Variants in UBE2R2 observed in about 807,000 individuals in gnomAD.
UBE2R2 encodes ubiquitin-conjugating enzyme E2 R2.
A neutral mutation model predicts 27.8 loss-of-function variants in UBE2R2; 1 was observed. The observed-to-expected ratio is 0.04, with a 90% CI of 0.01 to 0.17. UBE2R2 has a LOEUF of 0.17. Among genes scored for constraint, UBE2R2 ranks in the 10% least tolerant of loss-of-function variants. The pLI is 1.00. For synonymous variants in UBE2R2, 106 were observed against 113.3 expected, an observed-to-expected ratio of 0.94 and a Z score of 0.41; for missense variants, 100 against 291.0, an observed-to-expected ratio of 0.34 and a Z score of 4.78.
intron 3 of UBE2R2, among the ~76,000 whole-genome samples, chr9:33,909,172 A>G (rs1181835645): frequency 6.6e-6 from 1 of 152,160 alleles, no homozygotes; most frequent in East Asian, 1.9e-4. Flanking sequence ...ATTAGTACAC[A>G]GTACTGATCT....
At chr9:33,876,207 C>G (rs1821599272) in intron 1 of UBE2R2, among the ~76,000 whole-genome samples, 2 of 152,088 alleles carry the variant, frequency 1.3e-5, no homozygotes, top group African/African-American at 2.4e-5. Flanking sequence ...ACTAAAAATA[C>G]AAAAATTAGC....
intron 1 of UBE2R2, among the ~76,000 whole-genome samples, chr9:33,851,446 C>T (rs775856262): frequency 4.1e-4 from 63 of 152,150 alleles, no homozygotes; most frequent in Non-Finnish European, 7.1e-4. Context: ...TTTAGTTATC[C>T]TGTTTGTGTA....
intron 4 of UBE2R2, among the ~76,000 whole-genome samples, chr9:33,914,739 G>A (rs978504831): frequency 2.0e-5 from 3 of 151,736 alleles, no homozygotes; most frequent in Admixed American, 6.6e-5. Flanking sequence ...GAAGGCAAGA[G>A]AATTGCTTGA....
At chr9:33,839,112 G>C (rs1463125643) in intron 1 of UBE2R2, among the ~76,000 whole-genome samples, 1 of 151,298 alleles carries the variant, frequency 6.6e-6, no homozygotes, top group Non-Finnish European at 1.5e-5. Context: ...GCTGTGGTCT[G>C]AATGTGTATC....
rs764160673 is a variant in UBE2R2, at chr9:33,817,742, C to T, written c.-16C>T. 7.3e-6 allele frequency: 11 copies of T among 1,511,166 alleles called. No homozygotes were observed. Among genetic ancestry groups the T allele is most frequent in the Non-Finnish European group, 8.0e-6 (9 of 1,130,212 alleles). The allele number at this position is 1,511,166 out of a possible 1,614,324, so 93.6% of individuals were successfully genotyped here. On this transcript the variant is annotated 5_prime_UTR_variant, in exon 1 of 5. Transcript: ENST00000263228. ...TGGGGCCCGGGCCCGGCGCCGCCGC[C>T]GCCGCCGCCGCCGCGATGGCCCAGC...
intron 1 of UBE2R2, among the ~76,000 whole-genome samples, chr9:33,828,449 G>T (rs1820367602): frequency 6.7e-6 from 1 of 150,318 alleles, no homozygotes; most frequent in Non-Finnish European, 1.5e-5. Flanking sequence ...GAGTGCAGTG[G>T]AGTGATCTTG....
At chr9:33,839,754 G>T (rs1191835293) in intron 1 of UBE2R2, among the ~76,000 whole-genome samples, 1 of 152,130 alleles carries the variant, frequency 6.6e-6, no homozygotes, top group African/African-American at 2.4e-5. Flanking sequence ...CTAGCACTTT[G>T]GGAGGCTGAG....
intron 2 of UBE2R2, among the ~76,000 whole-genome samples, chr9:33,896,755 GT>G (rs1192962241): frequency 6.6e-6 from 1 of 151,690 alleles, no homozygotes; most frequent in Admixed American, 6.6e-5. Flanking sequence ...GCAACTGAGG[GT>G]TTTTAATAAA....
intron 4 of UBE2R2, among the ~76,000 whole-genome samples, chr9:33,914,851 A>C (rs562959908): frequency 1.4e-4 from 21 of 151,844 alleles, no homozygotes; most frequent in South Asian, 1.0e-3. Context: ...AAAAAAAGAC[A>C]GTCAGCTGGG....
intron 1 of UBE2R2, among the ~76,000 whole-genome samples, chr9:33,867,697 A>G (rs553657340): frequency 1.1e-4 from 17 of 152,338 alleles, no homozygotes; most frequent in Admixed American, 3.3e-4. Flanking sequence ...TGCCTGTTCA[A>G]GTCTTTTGCT....
intron 1 of UBE2R2, among the ~76,000 whole-genome samples, chr9:33,866,199 T>C (rs1161616762): frequency 2.0e-5 from 3 of 152,116 alleles, no homozygotes; most frequent in Admixed American, 2.0e-4. Context: ...ATAAAATCTC[T>C]TTAAATACAC....
At chr9:33,875,280 G>T (rs1447943672) in intron 1 of UBE2R2, among the ~76,000 whole-genome samples, 1 of 152,106 alleles carries the variant, frequency 6.6e-6, no homozygotes, top group African/African-American at 2.4e-5. Context: ...CATAAATTTA[G>T]TTTGTTCAAA....
intron 2 of UBE2R2, among the ~76,000 whole-genome samples, chr9:33,897,768 C>CTT (rs1822149214): frequency 7.3e-6 from 1 of 137,402 alleles, no homozygotes; most frequent in Non-Finnish European, 1.6e-5. Flanking sequence ...TTTCTCTTTT[C>CTT]TTTTTTCTTT....
At chr9:33,844,813 C>T (rs2265539) in intron 1 of UBE2R2, among the ~76,000 whole-genome samples, 7,974 of 152,014 alleles carry the variant, frequency 0.052, 460 homozygotes, top group African/African-American at 0.14. Flanking sequence ...GTGGCCCAGG[C>T]TGGAGTGTAG....
At chr9:33,871,714 G>A (rs10971754) in intron 1 of UBE2R2, among the ~76,000 whole-genome samples, 12,006 of 152,014 alleles carry the variant, frequency 0.079, 686 homozygotes, top group Non-Finnish European at 0.12. Flanking sequence ...ATTCATTTCC[G>A]TATTTATTTT....
chr9:33,848,897 C>A (rs944008277), intron 1 of UBE2R2, among the ~76,000 whole-genome samples: 10 of 152,004 alleles, frequency 6.6e-5, no homozygotes, highest in Non-Finnish European at 1.5e-4. Flanking sequence ...AGCTACCACA[C>A]CCGCCGAGTC....
At chr9:33,859,584 C>T (rs1294198491) in intron 1 of UBE2R2, among the ~76,000 whole-genome samples, 1 of 151,988 alleles carries the variant, frequency 6.6e-6, no homozygotes, top group Non-Finnish European at 1.5e-5. Flanking sequence ...ACTAGTATTT[C>T]CCCCCTAAAT....
intron 3 of UBE2R2, among the ~76,000 whole-genome samples, chr9:33,906,030 T>G (rs1192993618): frequency 1.3e-5 from 2 of 152,258 alleles, no homozygotes; most frequent in Non-Finnish European, 2.9e-5. Flanking sequence ...TGTGCACATG[T>G]GCATACATGC....
At chr9:33,895,277 G>T (rs1822075709) in intron 2 of UBE2R2, among the ~76,000 whole-genome samples, 1 of 152,150 alleles carries the variant, frequency 6.6e-6, no homozygotes, top group Non-Finnish European at 1.5e-5. Flanking sequence ...TAGAAATCCA[G>T]TTGTCCCACT....
Sources: gnomAD v4.1 joint callset for allele counts (sites outside exome capture counted in the v4.1 genomes callset) on GRCh38, gnomAD v4.1.1 for gene constraint, MANE v1.5 for transcripts, NCBI Gene and HGNC (gene_info 2026-07-23, HGNC 2026-07-21) for gene names.